The following GALNT16 variants were observed in gnomAD, a reference collection of about 807,000 sequenced individuals.
The protein encoded by GALNT16 is polypeptide N-acetylgalactosaminyltransferase 16.
Under a neutral mutation model 76.1 loss-of-function variants are expected in GALNT16, and 40 were observed. The ratio of observed to expected loss-of-function variants is 0.53; its 90% confidence interval spans 0.41 to 0.68. The LOEUF (loss-of-function observed/expected upper bound fraction) is 0.68. GALNT16 is among the 30% of genes least tolerant of loss of function. The pLI, the probability that GALNT16 is intolerant of heterozygous loss-of-function variation, is 0.00. For synonymous variants in GALNT16, 276 were observed against 285.2 expected, an observed-to-expected ratio of 0.97 and a Z score of 0.32; for missense variants, 621 against 731.9, an observed-to-expected ratio of 0.85 and a Z score of 1.75.
chr14:69,287,421 T>C (rs139706943), intron 1 of GALNT16, among the ~76,000 whole-genome samples: 14 of 152,328 alleles, frequency 9.2e-5, no homozygotes, highest in African/African-American at 3.4e-4. Context: ...AAGAAGTGTT[T>C]ATCTCCTGAC....
chr14:69,322,925 G>GGT (rs766188989), intron 2 of GALNT16, among the ~76,000 whole-genome samples: 5,538 of 103,704 alleles, frequency 0.053, 245 homozygotes, highest in Non-Finnish European at 0.076. Flanking sequence ...TGGCTCACGG[G>GGT]GTGTGTGTGT....
chr14:69,301,740 G>T (rs1235577460), intron 1 of GALNT16, among the ~76,000 whole-genome samples: 1 of 152,190 alleles, frequency 6.6e-6, no homozygotes, highest in African/African-American at 2.4e-5. Flanking sequence ...TGTAATCCCA[G>T]CACTTTGGGA....
chr14:69,322,179 G>A (rs1167343889), intron 2 of GALNT16, among the ~76,000 whole-genome samples: 1 of 152,250 alleles, frequency 6.6e-6, no homozygotes, highest in Non-Finnish European at 1.5e-5. Flanking sequence ...ATGCAGCCAA[G>A]TAAGGCAGTA....
intron 1 of GALNT16, among the ~76,000 whole-genome samples, chr14:69,268,473 G>A (rs1416066229): frequency 6.6e-6 from 1 of 152,176 alleles, no homozygotes; most frequent in Non-Finnish European, 1.5e-5. Flanking sequence ...TGATAGCAAA[G>A]GCCTAGCCAG....
At chr14:69,265,707 C>T (rs1275237655) in intron 1 of GALNT16, among the ~76,000 whole-genome samples, 2 of 152,182 alleles carry the variant, frequency 1.3e-5, no homozygotes, top group South Asian at 2.1e-4. Context: ...GCAGAGGAGC[C>T]GAGCTTTCAG....
the GALNT16 span, among the ~76,000 whole-genome samples, chr14:69,383,870 G>A: frequency 8.5e-5 from 13 of 152,082 alleles, no homozygotes; most frequent in Non-Finnish European, 1.2e-4. Context: ...TAATGCAGCC[G>A]GGCACAGTTG....
Position 69,333,589 on chromosome 14 carries a change from G to C in GALNT16, c.956G>C (p.Gly319Ala). ...GATGCCCAGATGGACATCTGGGGGG[G>C]AGAGAATTTTGGTGAGTTGGGAAAT... ...KYDAQMDIWG[G>A]ENFELSFRVW... Residue 319 changes from glycine (G) to alanine (A), a missense_variant, in exon 9 of 15, where the codon GGA becomes GCA. Physicochemically the swap from Gly to Ala is moderately conservative, Grantham distance 60. Transcript: ENST00000448469. This position sits in a 1 kb window ranked among gnomAD's most constrained non-coding sequence, Gnocchi z 4.2. 1 of 1,560,072 alleles carries C rather than the reference G, an allele frequency of 6.4e-7. No individual in the cohort carries two copies. The highest frequency in any genetic ancestry group is 1.1e-5 in the South Asian group (1 of 89,760).
chr14:69,283,094 T>A (rs2044565325), intron 1 of GALNT16, among the ~76,000 whole-genome samples: 1 of 152,250 alleles, frequency 6.6e-6, no homozygotes, highest in African/African-American at 2.4e-5. Context: ...GCCATGCAGA[T>A]ACCTGTAAAT....
intron 1 of GALNT16, among the ~76,000 whole-genome samples, chr14:69,314,119 C>T (rs1022039653): frequency 2.0e-5 from 3 of 152,218 alleles, no homozygotes; most frequent in African/African-American, 7.2e-5. Flanking sequence ...GCCATCTTCC[C>T]ACGTGATTCT....
At chr14:69,315,742 G>A (rs895885172) in intron 1 of GALNT16, among the ~76,000 whole-genome samples, 17 of 152,050 alleles carry the variant, frequency 1.1e-4, no homozygotes, top group Non-Finnish European at 1.9e-4. Context: ...TTTATTGGAA[G>A]AACTGCAGGA....
chr14:69,320,307 C>A (rs2045158899), intron 1 of GALNT16, among the ~76,000 whole-genome samples: 1 of 152,112 alleles, frequency 6.6e-6, no homozygotes, highest in East Asian at 1.9e-4. Flanking sequence ...CCAGCCTAGC[C>A]AACACCACGA....
chr14:69,262,303 A>G (rs1229103648), intron 1 of GALNT16, among the ~76,000 whole-genome samples: 1 of 152,174 alleles, frequency 6.6e-6, no homozygotes, highest in East Asian at 1.9e-4. Flanking sequence ...GACCTGGCCC[A>G]TGCACCTCTC....
chr14:69,277,065 G>T (rs978487822), intron 1 of GALNT16, among the ~76,000 whole-genome samples: 2 of 152,190 alleles, frequency 1.3e-5, no homozygotes, highest in South Asian at 2.1e-4. Flanking sequence ...TCCCTGCTGA[G>T]AGCCAAGGCA....
the GALNT16 span, among the ~76,000 whole-genome samples, chr14:69,383,531 T>G: frequency 6.6e-6 from 1 of 152,214 alleles, no homozygotes; most frequent in Non-Finnish European, 1.5e-5. Flanking sequence ...AAAAAGGACA[T>G]AACCAAAGTC....
downstream of GALNT16, chr14:69,357,254 A>G (rs2045700246): frequency 6.6e-6 from 1 of 152,246 alleles, no homozygotes; most frequent in Non-Finnish European, 1.5e-5. Context: ...CCAGAAGATG[A>G]TGCTTCCAGG....
At chr14:69,367,601 G>A in the GALNT16 span, among the ~76,000 whole-genome samples, 4 of 149,540 alleles carry the variant, frequency 2.7e-5, no homozygotes, top group African/African-American at 9.9e-5. Context: ...CAAACTAAGA[G>A]TGATAGAGAG....
At chr14:69,303,840 C>G (rs1042931840) in intron 1 of GALNT16, among the ~76,000 whole-genome samples, 1 of 151,832 alleles carries the variant, frequency 6.6e-6, no homozygotes, top group Admixed American at 6.6e-5. Flanking sequence ...GTTATTTTTT[C>G]TTGATTTCAG....
chr14:69,322,922 C>CGG (rs200098319), intron 2 of GALNT16, among the ~76,000 whole-genome samples: 50 of 115,864 alleles, frequency 4.3e-4, no homozygotes, highest in East Asian at 2.7e-3. Flanking sequence ...AGGTGGCTCA[C>CGG]GGGGTGTGTG....
chr14:69,296,284 C>G (rs1487865201), intron 1 of GALNT16, among the ~76,000 whole-genome samples: 1 of 152,152 alleles, frequency 6.6e-6, no homozygotes, highest in Admixed American at 6.5e-5. Flanking sequence ...GAAATCTCCC[C>G]CATGGTCCAA....
Sources: allele counts gnomAD v4.1 joint callset (sites outside exome capture counted in the v4.1 genomes callset), GRCh38; gene constraint gnomAD v4.1.1; non-coding constraint Gnocchi (gnomAD v3.1); transcripts MANE v1.5; gene names NCBI Gene and HGNC (gene_info 2026-07-23, HGNC 2026-07-21).